CRYBB2: variants seen among roughly 807,000 people sequenced by gnomAD.
CRYBB2 encodes crystallin beta B2.
Under a neutral mutation model 24.3 loss-of-function variants are expected in CRYBB2, and 12 were observed. The ratio of observed to expected loss-of-function variants is 0.49; its 90% CI spans 0.32 to 0.80. The LOEUF (loss-of-function observed/expected upper bound fraction) is 0.80, where lower values mean the gene tolerates loss of function less well. CRYBB2 is among the 30% of genes least tolerant of loss of function. The pLI is 0.04. For missense variants in CRYBB2, 198 were observed against 268.5 expected (o/e 0.74, Z 1.83); for synonymous variants, 98 against 101.6 (o/e 0.96, Z 0.21).
At chr22:25,226,473 T>TA (rs1487256913) in intron 3 of CRYBB2, among the ~76,000 whole-genome samples, 1 of 152,194 alleles carries the variant, frequency 6.6e-6, no homozygotes, top group Non-Finnish European at 1.5e-5. Context: ...TGGTGATAGT[T>TA]ACGCCAATTA....
Position 25,231,858 on chromosome 22 carries a change from AC to A in CRYBB2, c.*87del. 8.1e-7 allele frequency: 1 copy of A among 1,235,738 alleles called. No individual in the cohort carries two copies. The allele number at this position is 1,235,738 out of a possible 1,614,324, so 76.5% of individuals were successfully genotyped here. On this transcript the variant is annotated 3_prime_UTR_variant, in exon 6 of 6. Coordinates refer to ENST00000398215, the MANE Select transcript of CRYBB2 (RefSeq NM_000496.3). ...CCTCCCAGAGAGTGAATAAAGTGTG[AC>A]TTGCAACTTGTCTGCTGTGGGTCTT...
At chr22:25,212,566 T>C (rs1487054846) in exon 1 of CRYBB2, among the ~76,000 whole-genome samples, 1 of 152,214 alleles carries the variant, frequency 6.6e-6, no homozygotes, top group East Asian at 1.9e-4. Context: ...GCTTCCTCTT[T>C]CCCTTGCCTT....
At chr22:25,215,705 A>G (rs2213880), upstream of CRYBB2, among the ~76,000 whole-genome samples, 95,587 of 151,916 alleles carry the variant, frequency 0.63, 30,366 homozygotes, top group East Asian at 0.92. Flanking sequence ...AAAGTTAAGA[A>G]CGTTTATCTT....
upstream of CRYBB2, among the ~76,000 whole-genome samples, chr22:25,217,339 C>A (rs1935186505): frequency 1.3e-5 from 2 of 151,998 alleles, no homozygotes; most frequent in African/African-American, 4.8e-5. Context: ...TTCTTTGAGA[C>A]AGAGTTTTGC....
At chr22:25,224,884 G>A (rs200308122) in intron 2 of CRYBB2, 34 bp from the exon 3 acceptor site, 379 of 1,167,050 alleles carry the variant, frequency 3.2e-4, no homozygotes, top group Non-Finnish European at 4.7e-4. Flanking sequence ...CCTCTTCATC[G>A]TGATGAGGGT....
At chr22:25,215,928 G>A (rs1935163656), upstream of CRYBB2, among the ~76,000 whole-genome samples, 1 of 152,150 alleles carries the variant, frequency 6.6e-6, no homozygotes. Flanking sequence ...CTACTCACTA[G>A]CTGTGCAAAT....
At chr22:25,224,634 G>T (rs1935380395) in intron 2 of CRYBB2, among the ~76,000 whole-genome samples, 1 of 152,102 alleles carries the variant, frequency 6.6e-6, no homozygotes, top group Non-Finnish European at 1.5e-5. Context: ...CTCCCAAAAT[G>T]CTGAGATTAC....
chr22:25,217,037 G>A (rs553081262), upstream of CRYBB2, among the ~76,000 whole-genome samples: 1 of 152,296 alleles, frequency 6.6e-6, no homozygotes, highest in East Asian at 1.9e-4. Flanking sequence ...GGACATTTGG[G>A]TGGTTTCCAT....
chr22:25,230,118 G>A (rs28534889), intron 5 of CRYBB2, among the ~76,000 whole-genome samples: 37,760 of 151,662 alleles, frequency 0.25, 5,669 homozygotes, highest in East Asian at 0.56. Context: ...TTTGGGCAGC[G>A]GTGTGCTGGA....
chr22:25,227,551 G>A (rs975147235), intron 3 of CRYBB2, among the ~76,000 whole-genome samples: 1 of 150,424 alleles, frequency 6.6e-6, no homozygotes, highest in African/African-American at 2.4e-5. Flanking sequence ...TAACTTACCA[G>A]CATACTATTG....
At chr22:25,215,830 T>G (rs2146081663), upstream of CRYBB2, among the ~76,000 whole-genome samples, 1 of 152,336 alleles carries the variant, frequency 6.6e-6, no homozygotes, top group South Asian at 2.1e-4. Flanking sequence ...TTAGGGGACA[T>G]TAATAATACC....
At chr22:25,217,514 T>C (rs1272340081), upstream of CRYBB2, among the ~76,000 whole-genome samples, 1 of 152,102 alleles carries the variant, frequency 6.6e-6, no homozygotes, top group Non-Finnish European at 1.5e-5. Context: ...ACGGGGTTTC[T>C]CCATGTTGCT....
In CRYBB2 at chr22:25,231,855, G is replaced by A. The variant is rs1920987560; in HGVS notation, c.*83G>A. ...AGACCTCCCAGAGAGTGAATAAAGT[G>A]TGACTTGCAACTTGTCTGCTGTGGG... is the stretch of plus-strand genomic sequence containing the variant. On this transcript the variant is annotated 3_prime_UTR_variant, in exon 6 of 6. Coordinates refer to ENST00000398215, the MANE Select transcript of CRYBB2 (RefSeq NM_000496.3). The A allele has an allele frequency of 2.3e-6, 3 of 1,320,658 alleles. No homozygotes were observed. The highest frequency in any genetic ancestry group is 3.3e-6 in the Non-Finnish European group (3 of 915,454). 81.8% of individuals were successfully genotyped at this position (1,320,658 alleles called of 1,614,324 possible).
At chr22:25,224,129 AAAAAAAC>A (rs897951858) in intron 2 of CRYBB2, among the ~76,000 whole-genome samples, 15 of 149,894 alleles carry the variant, frequency 1.0e-4, no homozygotes, top group African/African-American at 3.7e-4. Flanking sequence ...GTCTCAAAAA[AAAAAAAC>A]AAAAAACCTC....
At chr22:25,230,394 G>A (rs1279094076) in intron 5 of CRYBB2, among the ~76,000 whole-genome samples, 2 of 151,890 alleles carry the variant, frequency 1.3e-5, no homozygotes, top group Non-Finnish European at 2.9e-5. Flanking sequence ...CTGACCTCAT[G>A]ACCTGCCTGC....
At chr22:25,228,801 T>C (rs1935469816) in intron 4 of CRYBB2, among the ~76,000 whole-genome samples, 2 of 152,186 alleles carry the variant, frequency 1.3e-5, no homozygotes, top group Admixed American at 6.5e-5. Context: ...AAGGATGAGA[T>C]GAGATAACTA....
intron 1 of CRYBB2, among the ~76,000 whole-genome samples, chr22:25,220,574 T>G (rs1012032827): frequency 6.6e-6 from 1 of 152,186 alleles, no homozygotes; most frequent in Non-Finnish European, 1.5e-5. Flanking sequence ...CTGGGAAACA[T>G]CCAGTATTGG....
At chr22:25,222,047 A>G (rs1164136179) in intron 2 of CRYBB2, among the ~76,000 whole-genome samples, 2 of 152,214 alleles carry the variant, frequency 1.3e-5, no homozygotes, top group Non-Finnish European at 1.5e-5. Context: ...TGTCCACCCA[A>G]GGGCGGCAGG....
upstream of CRYBB2, among the ~76,000 whole-genome samples, chr22:25,218,122 GTT>G (rs1935204369): frequency 2.6e-5 from 4 of 150,982 alleles, no homozygotes; most frequent in African/African-American, 7.3e-5. Flanking sequence ...AGCCGGGCGT[GTT>G]GGCGGGCGCC....
Sources: gnomAD v4.1 joint callset for allele counts (sites outside exome capture counted in the v4.1 genomes callset) on GRCh38, gnomAD v4.1.1 for gene constraint, MANE v1.5 for transcripts, NCBI Gene and HGNC (gene_info 2026-07-23, HGNC 2026-07-21) for gene names.